Variants in SHISA6 observed in about 807,000 individuals in gnomAD.
The protein encoded by SHISA6 is protein shisa-6.
In SHISA6, 22 loss-of-function variants were observed where a neutral mutation model predicts 47.9. The observed-to-expected ratio is 0.46, with a 90% CI of 0.33 to 0.66. The LOEUF is 0.66. SHISA6 is among the 30% of genes least tolerant of loss of function. The pLI, the probability that SHISA6 is intolerant of heterozygous loss-of-function variation, is 0.02. For synonymous variants in SHISA6, 388 were observed against 337.8 expected (o/e 1.15, Z -1.63); for missense variants, 680 against 764.6 (o/e 0.89, Z 1.30).
chr17:11,431,108 T>A (rs1425723995), intron 3 of SHISA6, among the ~76,000 whole-genome samples: 1 of 152,174 alleles, frequency 6.6e-6, no homozygotes, highest in African/African-American at 2.4e-5. Flanking sequence ...GTTTCCCACA[T>A]CTTCTTCCGT....
chr17:11,481,360 G>GTA lies in SHISA6; in HGVS notation c.896-70535_896-70534insAT, dbSNP rs1346846568. 3.1e-3 allele frequency among the ~76,000 whole-genome samples: 341 copies of GTA among 111,578 alleles called. 2 individuals are homozygous for GTA. The highest frequency in any genetic ancestry group is 0.011 in the African/African-American group (322 of 28,388). 73.2% of individuals were successfully genotyped at this position (111,578 alleles called of 152,430 possible). A position where few individuals can be genotyped will look rare whatever the true frequency, so the allele number is the denominator to read the frequency against. On this transcript the variant is annotated intron_variant, in intron 3 of 5. Transcript: ENST00000441885. ...TATGTGTGTGTGTGTGTGTGTGTGT[G>GTA]TGTGTGTATATATATATATATATAT...
intron 2 of SHISA6, among the ~76,000 whole-genome samples, chr17:11,310,978 G>A (rs148901564): frequency 6.6e-6 from 1 of 151,912 alleles, no homozygotes; most frequent in Non-Finnish European, 1.5e-5. Flanking sequence ...GTGGTGGCAG[G>A]TGCCTGTAGT....
intron 2 of SHISA6, among the ~76,000 whole-genome samples, chr17:11,265,158 C>T (rs574167888): frequency 2.6e-5 from 4 of 152,218 alleles, no homozygotes; most frequent in Admixed American, 6.5e-5. Flanking sequence ...CTGGGCTCCA[C>T]AGAATCACTA....
At chr17:11,374,291 A>G (rs900626406) in intron 2 of SHISA6, among the ~76,000 whole-genome samples, 61 of 152,204 alleles carry the variant, frequency 4.0e-4, no homozygotes, top group African/African-American at 1.4e-3. Context: ...AAGTAATGTA[A>G]ATATACATTT....
At chr17:11,441,947 A>G (rs1251156993) in intron 3 of SHISA6, among the ~76,000 whole-genome samples, 2 of 152,182 alleles carry the variant, frequency 1.3e-5, no homozygotes, top group African/African-American at 4.8e-5. Context: ...TTTGTTCCTA[A>G]CAAGCACAGT....
At chr17:11,516,714 T>C (rs2142359515) in intron 3 of SHISA6, among the ~76,000 whole-genome samples, 1 of 152,260 alleles carries the variant, frequency 6.6e-6, no homozygotes, top group African/African-American at 2.4e-5. Flanking sequence ...AGTAAATCCA[T>C]CAAAGTGGTA....
chr17:11,336,834 TC>T (rs1911338410), intron 2 of SHISA6, among the ~76,000 whole-genome samples: 1 of 152,186 alleles, frequency 6.6e-6, no homozygotes, highest in South Asian at 2.1e-4. Flanking sequence ...ACCTCTGATT[TC>T]TTCCAGAAAG....
At position 11,551,914 on chromosome 17, in the gene SHISA6, A is replaced by G. The variant is rs763489501; in HGVS notation, c.914A>G (p.His305Arg). The G allele has an allele frequency of 1.3e-6, 2 of 1,551,718 alleles. No individual in the cohort carries two copies. The highest frequency in any genetic ancestry group is 1.2e-5 in the South Asian group (1 of 84,060). Reference protein sequence around the residue: ...GHTKGDHQYNHPILSSVTQIP... With the variant: ...GHTKGDHQYNRPILSSVTQIP... Reference sequence around the variant, plus strand: ...TTTTCAGGTGATCATCAATATAACCATCCGATTTTGAGCAGTGTTACCCAG... The same window carrying G: ...TTTTCAGGTGATCATCAATATAACCGTCCGATTTTGAGCAGTGTTACCCAG... The change falls in exon 4 of 6, where the codon CAT (histidine) becomes CGT (arginine). Residue 305 changes from histidine (H) to arginine (R), a missense_variant. His to Arg is a conservative substitution (Grantham distance 29, BLOSUM62 0). This residue lies in a region of SHISA6 where 559 missense variants were observed against 674.1 expected (regional missense o/e 0.83). Coordinates refer to ENST00000441885, the MANE Select transcript of SHISA6 (RefSeq NM_207386.4).
At chr17:11,357,570 C>T (rs1912119134) in intron 2 of SHISA6, among the ~76,000 whole-genome samples, 1 of 152,172 alleles carries the variant, frequency 6.6e-6, no homozygotes, top group Non-Finnish European at 1.5e-5. Context: ...AATTACAAAC[C>T]TTTTGTTCAC....
chr17:11,259,080 A>G (rs1295360090), intron 1 of SHISA6, among the ~76,000 whole-genome samples: 1 of 151,684 alleles, frequency 6.6e-6, no homozygotes, highest in African/African-American at 2.4e-5. Context: ...GAGGGGATGA[A>G]TTGGGGGAGA....
chr17:11,509,576 C>A (rs1316040253), intron 3 of SHISA6, among the ~76,000 whole-genome samples: 1 of 152,178 alleles, frequency 6.6e-6, no homozygotes, highest in Admixed American at 6.5e-5. Context: ...GCAGCTGCAG[C>A]CTTGACCTCC....
intron 1 of SHISA6, among the ~76,000 whole-genome samples, chr17:11,254,862 G>A (rs1907950806): frequency 6.6e-6 from 1 of 152,234 alleles, no homozygotes; most frequent in Non-Finnish European, 1.5e-5. Context: ...CATGGGACGT[G>A]GGTTCAACTT....
intron 2 of SHISA6, among the ~76,000 whole-genome samples, chr17:11,313,890 G>A (rs1178022794): frequency 4.6e-5 from 7 of 152,272 alleles, no homozygotes; most frequent in African/African-American, 1.7e-4. Flanking sequence ...GCCGGCCACT[G>A]AAGGTTTTTA....
At chr17:11,341,979 ACCCTCTCTGCACCTC>A (rs1248886041) in intron 2 of SHISA6, among the ~76,000 whole-genome samples, 4 of 151,708 alleles carry the variant, frequency 2.6e-5, no homozygotes, top group Admixed American at 6.6e-5. Context: ...TCTGCAGCCC[ACCCTCTCTGCACCTC>A]CCCATCCTCC....
chr17:11,241,998 C>T lies in SHISA6; in HGVS notation c.576C>T (p.Gly192=), dbSNP rs1907379023. The T allele has an allele frequency of 1.3e-6, 2 of 1,551,084 alleles. No homozygotes were observed. Among genetic ancestry groups the T allele is most frequent in the African/African-American group, 1.4e-5 (1 of 73,192 alleles). Residue 192 remains glycine (G), a synonymous_variant, in exon 1 of 6, where the codon GGC becomes GGT. Coordinates refer to ENST00000441885, the MANE Select transcript of SHISA6 (RefSeq NM_207386.4). This position sits in a 1 kb window ranked among gnomAD's most constrained non-coding sequence, Gnocchi z 5.5. ...TGATCGCCTTCGTCATCGTGGCCGG[C>T]GTCTTCGCCAAGGTCTCCTACGACA... The part of the protein sequence containing the change: ...CGVIAFVIVA[G]VFAKVSYDKA...
At chr17:11,436,512 C>G (rs910087597) in intron 3 of SHISA6, among the ~76,000 whole-genome samples, 1 of 152,162 alleles carries the variant, frequency 6.6e-6, no homozygotes, top group African/African-American at 2.4e-5. Flanking sequence ...CATCCCTATT[C>G]TTTATCAGAT....
At chr17:11,442,427 G>A (rs1050130856) in intron 3 of SHISA6, among the ~76,000 whole-genome samples, 1 of 151,998 alleles carries the variant, frequency 6.6e-6, no homozygotes, top group Non-Finnish European at 1.5e-5. Flanking sequence ...CTGCTTCTGA[G>A]AGACCGGCAG....
intron 3 of SHISA6, among the ~76,000 whole-genome samples, chr17:11,506,290 C>G (rs907380335): frequency 3.9e-5 from 6 of 152,164 alleles, no homozygotes; most frequent in African/African-American, 1.4e-4. Context: ...TTTACTTCCT[C>G]TTTTTCTCTC....
intron 3 of SHISA6, among the ~76,000 whole-genome samples, chr17:11,411,862 G>A (rs980429131): frequency 2.0e-5 from 3 of 152,146 alleles, no homozygotes; most frequent in East Asian, 1.9e-4. Context: ...GACCACGCAC[G>A]TGCATTCAGG....
Sources: gnomAD v4.1 joint callset for allele counts (sites outside exome capture counted in the v4.1 genomes callset) on GRCh38, gnomAD v4.1.1 for gene constraint, gnomAD v4.1.1 regional missense constraint, Gnocchi (gnomAD v3.1) non-coding constraint, MANE v1.5 for transcripts, NCBI Gene and HGNC (gene_info 2026-07-23, HGNC 2026-07-21) for gene names.